The following DDX52 variants were observed in gnomAD, a reference collection of about 807,000 sequenced individuals.
DDX52 encodes probable ATP-dependent RNA helicase DDX52.
In DDX52, 59 loss-of-function variants were observed where a neutral mutation model predicts 76.1. The observed-to-expected ratio is 0.78, with a 90% CI of 0.63 to 0.96. DDX52 has a LOEUF of 0.96. Among genes scored for constraint, DDX52 ranks in the 40% least tolerant of loss-of-function variants. DDX52 has a pLI of 0.00. For missense variants in DDX52, 707 were observed against 703.9 expected, an observed-to-expected ratio of 1.00 and a Z score of -0.05; for synonymous variants, 231 against 244.1, an observed-to-expected ratio of 0.95 and a Z score of 0.50.
chr17:37,618,349 T>C lies in DDX52; in HGVS notation c.1685A>G (p.Glu562Gly). Reference protein sequence around the residue: ...QKKKMIKKPLERESISTTPKC... With the variant: ...QKKKMIKKPLGRESISTTPKC... ...TGGAGTTGTACTAATGCTCTCCCTT[T>C]CCAATGGTTTCTTAATCATCTTTTT... The change falls in exon 14 of 15, where the codon GAA (glutamate) becomes GGA (glycine). Residue 562 changes from glutamate to glycine, a missense_variant. By Grantham distance (98) the Glu-to-Gly change is moderately conservative. Transcript: ENST00000617633. 6.3e-7 allele frequency: 1 copy of C among 1,592,500 alleles called. No individual in the cohort carries two copies. Among genetic ancestry groups the C allele is most frequent in the Non-Finnish European group, 8.5e-7 (1 of 1,173,726 alleles).
rs1391638833 is a variant in DDX52 at position 37,610,420 on chromosome 17, T to G, written c.*3876A>C. On this transcript the variant is annotated 3_prime_UTR_variant, in exon 15 of 15. Transcript: ENST00000617633. ...AGTGCCAGGGTGTGAGCCACATGCCTGGGCTGTGATTTTTTTTTTTCTTTT... is the reference window on the plus strand; with the variant it reads ...AGTGCCAGGGTGTGAGCCACATGCCGGGGCTGTGATTTTTTTTTTTCTTTT... 1.3e-5 allele frequency: 2 copies of G among 150,090 alleles called. No homozygotes were observed. The highest frequency in any genetic ancestry group is 3.0e-5 in the Non-Finnish European group (2 of 67,732). 9.3% of individuals were successfully genotyped at this position (150,090 alleles called of 1,614,324 possible).
intron 10 of DDX52, 51 bp from the exon 11 acceptor site, chr17:37,621,328 C>G (rs1167431364): frequency 6.3e-7 from 1 of 1,592,954 alleles, no homozygotes; most frequent in Admixed American, 1.8e-5. Flanking sequence ...ACAGGTACTT[C>G]ATAAATTTAA....
chr17:37,620,205 G>A (rs2030012740), intron 12 of DDX52: 1 of 202,632 alleles, frequency 4.9e-6, no homozygotes, highest in Admixed American at 5.3e-5. Context: ...TTTGTGTATA[G>A]TAACTTCTTC....
rs893898731 is a variant in DDX52, at chr17:37,626,112, A to G, written c.933-14T>C. The stretch of plus-strand genomic sequence containing the variant: ...AGCCACTCAACACTAAGAAATAACA[A>G]AACAACTTGTGGATACTGAACTGAA... On this transcript the variant is annotated splice_polypyrimidine_tract_variant and intron_variant, in intron 7 of 14. Coordinates refer to ENST00000617633, the MANE Select transcript of DDX52 (RefSeq NM_007010.5). 3 of 1,613,812 alleles carry G rather than the reference A, an allele frequency of 1.9e-6. No individual in the cohort carries two copies. Among genetic ancestry groups the G allele is most frequent in the East Asian group, 2.2e-5 (1 of 44,888 alleles).
chr17:37,621,115 A>C lies in DDX52; in HGVS notation c.1501+12T>G, dbSNP rs2030063240. Reference sequence around the variant, plus strand: ...TGGGTGACAGAGGGGAAGGAAAAAAAAGACAACTCACCTATCCTGTGGATA... The same window carrying C: ...TGGGTGACAGAGGGGAAGGAAAAAACAGACAACTCACCTATCCTGTGGATA... On this transcript the variant is annotated intron_variant, in intron 11 of 14. Transcript: ENST00000617633. The C allele has an allele frequency of 1.3e-6, 2 of 1,598,166 alleles. No homozygotes were observed. Among genetic ancestry groups the C allele is most frequent in the African/African-American group, 1.4e-5 (1 of 74,026 alleles).
intron 2 of DDX52, among the ~76,000 whole-genome samples, chr17:37,638,770 CTTTTTT>C (rs920881727): frequency 8.7e-6 from 1 of 114,820 alleles, no homozygotes; most frequent in African/African-American, 3.7e-5. Context: ...TGTTTTTTTT[CTTTTTT>C]TTTTTTTTTT....
chr17:37,627,214 TA>T (rs1335601362), intron 6 of DDX52, among the ~76,000 whole-genome samples: 2 of 152,026 alleles, frequency 1.3e-5, no homozygotes, highest in African/African-American at 2.4e-5. Context: ...TTATTACTAT[TA>T]TTTTTTTGAG....
rs1465944858 is a variant in DDX52, at chr17:37,611,518, C to T, written c.*2778G>A. ...TATAAAGGCCGGATATAGTGGCTCA[C>T]TCCAGGTCAGGAGTTTGAGACCAGC... On this transcript the variant is annotated 3_prime_UTR_variant, in exon 15 of 15. Coordinates refer to ENST00000617633, the MANE Select transcript of DDX52 (RefSeq NM_007010.5). 1 of 152,096 alleles carries T rather than the reference C, an allele frequency of 6.6e-6. No homozygotes were observed. Among genetic ancestry groups the T allele is most frequent in the Non-Finnish European group, 1.5e-5 (1 of 68,016 alleles). 9.4% of individuals were successfully genotyped at this position (152,096 alleles called of 1,614,324 possible). A position where few individuals can be genotyped will look rare whatever the true frequency, so the allele number is the denominator to read the frequency against.
intron 2 of DDX52, among the ~76,000 whole-genome samples, chr17:37,637,952 T>C (rs1032515601): frequency 1.3e-5 from 2 of 152,188 alleles, no homozygotes; most frequent in Admixed American, 1.3e-4. Flanking sequence ...TGCTCCCAAA[T>C]CAGCTGCAGA....
chr17:37,619,663 G>C (rs2029974334), intron 13 of DDX52, 105 bp downstream of exon 13: 11 of 977,046 alleles, frequency 1.1e-5, no homozygotes, highest in South Asian at 1.7e-5. Context: ...AGTGAGCTGT[G>C]ATCATGCCAC....
rs562560028 is a variant in DDX52, at chr17:37,637,051, C to T, written c.287-3633G>A. ...ATGATCACAGCTCACTGTAACCTCA[C>T]ACTCTTGGGCTAAAGCAATCCTCCT... On this transcript the variant is annotated intron_variant, in intron 2 of 14. Transcript: ENST00000617633. Among the ~76,000 whole-genome samples, 5 of 152,276 alleles carry T rather than the reference C, an allele frequency of 3.3e-5. No homozygotes were observed. In the South Asian group the frequency reaches 1.0e-3, roughly 32 times the overall value.
chr17:37,638,405 A>C (rs970382703), intron 2 of DDX52, among the ~76,000 whole-genome samples: 2 of 152,260 alleles, frequency 1.3e-5, no homozygotes, highest in African/African-American at 4.8e-5. Context: ...TGGATTTTAT[A>C]ACATATAAGG....
rs545781250 is a variant in DDX52, at chr17:37,630,087, G to A, written c.690C>T (p.Pro230=). The A allele has an allele frequency of 2.4e-5, 38 of 1,613,918 alleles. No individual in the cohort carries two copies. The Admixed American group carries it at 2.8e-4, about 12-fold the overall frequency. The change falls in exon 5 of 15, where the codon CCC becomes CCT. Residue 230 remains proline, a synonymous_variant. Coordinates refer to ENST00000617633, the MANE Select transcript of DDX52 (RefSeq NM_007010.5). ...TCAGGGCTCTGAAGCCTTTATTTGC[G>A]GGTTGTTTCAGCTGCATTAAAATAG... The part of the protein sequence containing the change: ...SIPILMQLKQ[P]ANKGFRALII...
chr17:37,617,779 G>C (rs1289773618), intron 14 of DDX52, among the ~76,000 whole-genome samples: 3 of 152,086 alleles, frequency 2.0e-5, no homozygotes, highest in Non-Finnish European at 1.5e-5. Context: ...TATTTTCCAA[G>C]ACGGAAAAAA....
rs2064323519 is a variant in DDX52 at position 37,610,697 on chromosome 17, G to T, written c.*3599C>A. On this transcript the variant is annotated 3_prime_UTR_variant, in exon 15 of 15. Transcript: ENST00000617633. ...CTTACAGATGAGAAAATCAAGGTTA[G>T]AAACAGTTACTGTCATTTGTCCAGA... 6.6e-6 allele frequency: 1 copy of T among 152,168 alleles called. No homozygotes were observed. Among genetic ancestry groups the T allele is most frequent in the South Asian group, 2.1e-4 (1 of 4,834 alleles). The allele number at this position is 152,168 out of a possible 1,614,324, so 9.4% of individuals were successfully genotyped here. A position where few individuals can be genotyped will look rare whatever the true frequency, so the allele number is the denominator to read the frequency against.
chr17:37,612,766 G>C lies in DDX52; in HGVS notation c.*1530C>G, dbSNP rs1270407131. The C allele has an allele frequency of 2.6e-5, 4 of 152,094 alleles. No individual in the cohort carries two copies. Among genetic ancestry groups the C allele is most frequent in the Admixed American group, 2.0e-4 (3 of 15,260 alleles). 9.4% of individuals were successfully genotyped at this position (152,094 alleles called of 1,614,324 possible). On this transcript the variant is annotated 3_prime_UTR_variant, in exon 15 of 15. Coordinates refer to ENST00000617633, the MANE Select transcript of DDX52 (RefSeq NM_007010.5). ...TTATTGTGAGTTTACTATGTATCAG[G>C]TACAGTGCTAGGTACTCACAATTGG...
At position 37,614,250 on chromosome 17, in the gene DDX52, G is replaced by A; in HGVS notation, c.*46C>T. 1 of 1,576,148 alleles carries A rather than the reference G, an allele frequency of 6.3e-7. No homozygotes were observed. On this transcript the variant is annotated 3_prime_UTR_variant, in exon 15 of 15. Transcript: ENST00000617633. ...TTCCATGAAAATAACATTCATGCTGGGATCATAAAATTACATTTCTGGGAC... is the reference window on the plus strand; with the variant it reads ...TTCCATGAAAATAACATTCATGCTGAGATCATAAAATTACATTTCTGGGAC...
chr17:37,625,673 C>T (rs1460065946), intron 8 of DDX52, among the ~76,000 whole-genome samples: 1 of 152,076 alleles, frequency 6.6e-6, no homozygotes, highest in Non-Finnish European at 1.5e-5. Flanking sequence ...CACCTAAAAG[C>T]ATGATGACAG....
chr17:37,620,653 A>C (rs898757801), intron 12 of DDX52: 5 of 441,806 alleles, frequency 1.1e-5, no homozygotes, highest in African/African-American at 1.0e-4. Context: ...TACAATGAAC[A>C]TTCCATTTTG....
Sources: gnomAD v4.1 joint callset for allele counts (sites outside exome capture counted in the v4.1 genomes callset) on GRCh38, gnomAD v4.1.1 for gene constraint, MANE v1.5 for transcripts, NCBI Gene and HGNC (gene_info 2026-07-23, HGNC 2026-07-21) for gene names.